Variants in CDC25A observed in about 807,000 individuals in gnomAD.
The protein encoded by CDC25A is M-phase inducer phosphatase 1.
CDC25A carries 17 observed loss-of-function variants against 64.6 expected under a neutral mutation model. The observed-to-expected ratio is 0.26, with a 90% CI of 0.18 to 0.39. The LOEUF (loss-of-function observed/expected upper bound fraction) is 0.39. Among genes scored for constraint, CDC25A ranks in the 10% least tolerant of loss-of-function variants. CDC25A has a pLI of 1.00. For synonymous variants in CDC25A, 229 were observed against 238.6 expected (o/e 0.96, Z 0.37); for missense variants, 473 against 654.8 (o/e 0.72, Z 3.03).
At chr3:48,170,909 C>T (rs1397331714) in intron 9 of CDC25A, among the ~76,000 whole-genome samples, 2 of 151,994 alleles carry the variant, frequency 1.3e-5, no homozygotes, top group African/African-American at 4.8e-5. Context: ...CAATGCTTGA[C>T]ATTTTCTCCA....
intron 2 of CDC25A, among the ~76,000 whole-genome samples, chr3:48,185,277 T>C (rs2032806713): frequency 2.0e-5 from 3 of 151,960 alleles, no homozygotes; most frequent in Admixed American, 1.3e-4. Flanking sequence ...TAGTTGGGTG[T>C]GGTGGCACGT....
At position 48,182,940 on chromosome 3, in the gene CDC25A, T is replaced by C. The variant is rs375655166; in HGVS notation, c.418A>G (p.Asn140Asp). ...DIFQLIDPDENKENEAFEFKK... is the reference protein window; with the variant it reads ...DIFQLIDPDEDKENEAFEFKK... ...GAAGTCACACTCACATTTTCCTTGTTCTCATCTGGGTCGATGAGCTGAAAG... is the reference window on the plus strand; with the variant it reads ...GAAGTCACACTCACATTTTCCTTGTCCTCATCTGGGTCGATGAGCTGAAAG... The change falls in exon 5 of 15, where the codon AAC (asparagine) becomes GAC (aspartate). Residue 140 changes from asparagine (N) to aspartate (D), a missense_variant. This residue lies in a region of CDC25A where 376 missense variants were observed against 431.9 expected (regional missense o/e 0.87). Coordinates refer to ENST00000302506, the MANE Select transcript of CDC25A (RefSeq NM_001789.3). 1.9e-6 allele frequency: 3 copies of C among 1,607,590 alleles called. No individual in the cohort carries two copies. The highest frequency in any genetic ancestry group is 2.6e-6 in the Non-Finnish European group (3 of 1,174,128).
At chr3:48,187,290 A>T (rs2032875788) in intron 1 of CDC25A, among the ~76,000 whole-genome samples, 1 of 152,236 alleles carries the variant, frequency 6.6e-6, no homozygotes, top group Admixed American at 6.5e-5. Flanking sequence ...CAGAGTGGAC[A>T]TCAGGAATGT....
intron 10 of CDC25A, among the ~76,000 whole-genome samples, chr3:48,167,249 A>C (rs1329475031): frequency 6.6e-6 from 1 of 152,208 alleles, no homozygotes; most frequent in Non-Finnish European, 1.5e-5. Flanking sequence ...ATGTTAACTA[A>C]ATTAATGAAT....
At chr3:48,180,928 T>A in intron 5 of CDC25A, 88 bp from the exon 6 acceptor site, 2 of 1,268,960 alleles carry the variant, frequency 1.6e-6, no homozygotes, top group Non-Finnish European at 2.2e-6. Context: ...TGGGCACTGA[T>A]CACCTTTCTG....
At chr3:48,182,865 T>C (rs1398740109) in intron 5 of CDC25A, 64 bp downstream of exon 5, 8 of 1,078,846 alleles carry the variant, frequency 7.4e-6, no homozygotes, top group South Asian at 1.3e-5. Flanking sequence ...CAGCCACTTC[T>C]AAGCCACTGA....
Position 48,178,006 on chromosome 3 carries a change from T to C in CDC25A, c.550-18A>G, listed in dbSNP as rs199526294. ...GAGGAAAGCTGTAAGACAAAATTCA[T>C]GGATTAATAATGAGAGCTCTGATCC... On this transcript the variant is annotated intron_variant, in intron 6 of 14. Transcript: ENST00000302506. 2.0e-4 allele frequency: 319 copies of C among 1,599,514 alleles called. No individual in the cohort carries two copies. The African/African-American group carries it at 3.8e-3, about 19-fold the overall frequency.
intron 7 of CDC25A, among the ~76,000 whole-genome samples, 168 bp downstream of exon 7, chr3:48,177,686 A>G (rs543409176): frequency 6.6e-6 from 1 of 152,320 alleles, no homozygotes; most frequent in East Asian, 1.9e-4. Flanking sequence ...AAAGGATTTA[A>G]TAAGGCTGGT....
intron 4 of CDC25A, 108 bp from the exon 5 acceptor site, chr3:48,183,138 T>C (rs937958334): frequency 8.6e-6 from 6 of 696,602 alleles, no homozygotes; most frequent in African/African-American, 1.8e-5. Flanking sequence ...GTAGACTAGC[T>C]CCTCACACAC....
chr3:48,166,186 A>G (rs1458546601), intron 10 of CDC25A, among the ~76,000 whole-genome samples: 1 of 146,808 alleles, frequency 6.8e-6, no homozygotes, highest in Non-Finnish European at 1.5e-5. Context: ...GGAAGGCTGG[A>G]GTGGGAAAAT....
intron 4 of CDC25A, 113 bp downstream of exon 4, chr3:48,183,687 G>T (rs546417008): frequency 1.7e-5 from 12 of 701,496 alleles, no homozygotes; most frequent in Middle Eastern, 3.1e-4. Context: ...TCTCAAAAGA[G>T]ACTAAAGAAA....
At chr3:48,184,219 G>A (rs754649749) in intron 3 of CDC25A, among the ~76,000 whole-genome samples, 18 of 152,102 alleles carry the variant, frequency 1.2e-4, no homozygotes, top group Admixed American at 4.6e-4. Flanking sequence ...AAAATTAACC[G>A]GGTGTGGTGG....
intron 13 of CDC25A, 66 bp from the exon 14 acceptor site, chr3:48,159,521 CAA>C: frequency 7.5e-6 from 8 of 1,060,352 alleles, no homozygotes; most frequent in Non-Finnish European, 2.9e-6. Context: ...GCAACGCAGT[CAA>C]AGCAGCAGTT....
intron 4 of CDC25A, 58 bp downstream of exon 4, chr3:48,183,742 T>C (rs1575273498): frequency 9.2e-6 from 10 of 1,082,908 alleles, no homozygotes; most frequent in South Asian, 9.2e-5. Context: ...AAGGTCATGC[T>C]GGTAGCTAAG....
intron 6 of CDC25A, among the ~76,000 whole-genome samples, chr3:48,179,731 A>G (rs2032593319): frequency 6.6e-6 from 1 of 152,150 alleles, no homozygotes. Flanking sequence ...AAACCTCTCT[A>G]GTGGTACTTT....
At chr3:48,168,108 G>T (rs373218888) in intron 9 of CDC25A, among the ~76,000 whole-genome samples, 164 bp from the exon 10 acceptor site, 2 of 151,146 alleles carry the variant, frequency 1.3e-5, no homozygotes, top group East Asian at 1.9e-4. Context: ...AACAGATGTG[G>T]GTTATTGACT....
intron 13 of CDC25A, among the ~76,000 whole-genome samples, chr3:48,160,817 G>A (rs540224754): frequency 2.0e-5 from 3 of 152,236 alleles, no homozygotes; most frequent in African/African-American, 7.2e-5. Flanking sequence ...GGGATGGGCA[G>A]CAGCTTCCTC....
At chr3:48,160,926 G>A (rs1478698448) in intron 13 of CDC25A, among the ~76,000 whole-genome samples, 3 of 151,076 alleles carry the variant, frequency 2.0e-5, no homozygotes, top group Non-Finnish European at 4.4e-5. Context: ...AGGCTGAGGC[G>A]GTGGATCACG....
At chr3:48,181,765 C>A in intron 5 of CDC25A, 6 of 617,848 alleles carry the variant, frequency 9.7e-6, no homozygotes, top group South Asian at 3.9e-5. Flanking sequence ...TTTTAAAGTT[C>A]TGAGAGAAAT....
Sources: allele counts gnomAD v4.1 joint callset (sites outside exome capture counted in the v4.1 genomes callset), GRCh38; gene constraint gnomAD v4.1.1; regional missense constraint gnomAD v4.1.1; transcripts MANE v1.5; gene names NCBI Gene and HGNC (gene_info 2026-07-23, HGNC 2026-07-21).